Variants in KLRG1 observed in about 807,000 individuals in gnomAD.
KLRG1 encodes killer cell lectin like receptor G1.
A neutral mutation model predicts 21.8 loss-of-function variants in KLRG1; 16 were observed. The ratio of observed to expected loss-of-function variants is 0.73; its 90% CI spans 0.50 to 1.11. The LOEUF (loss-of-function observed/expected upper bound fraction) is 1.11. KLRG1 is among the 50% of genes most tolerant of loss of function. KLRG1 has a pLI of 0.00. For missense variants in KLRG1, 173 were observed against 218.3 expected (o/e 0.79, Z 1.31); for synonymous variants, 69 against 75.9 (o/e 0.91, Z 0.47).
At chr12:8,995,818 A>G (rs1406506345) in intron 3 of KLRG1, among the ~76,000 whole-genome samples, 5 of 151,834 alleles carry the variant, frequency 3.3e-5, no homozygotes, top group East Asian at 3.9e-4. Context: ...AAGTAGCTGG[A>G]ACTACAGGCG....
At chr12:9,200,402 A>G in the KLRG1 span, 128 of 1,611,450 alleles carry the variant, frequency 7.9e-5, no homozygotes, top group Non-Finnish European at 1.1e-4. Context: ...CATCCATGAT[A>G]CTGATTATCT....
chr12:9,069,711 C>A, the KLRG1 span: 1 of 1,561,534 alleles, frequency 6.4e-7, no homozygotes, highest in Non-Finnish European at 8.8e-7. Flanking sequence ...TTATTATCTA[C>A]GTTTTTTTGC....
chr12:9,197,392 A>G, the KLRG1 span, among the ~76,000 whole-genome samples: 1 of 142,244 alleles, frequency 7.0e-6, no homozygotes, highest in Admixed American at 7.6e-5. Context: ...ATATAATATT[A>G]TAATTATTAT....
At chr12:9,201,369 GAGATGTGATT>G in the KLRG1 span, 1 of 1,547,716 alleles carries the variant, frequency 6.5e-7, no homozygotes, top group South Asian at 1.1e-5. Flanking sequence ...AAGGAAAGAA[GAGATGTGATT>G]AGAATTCCAG....
chr12:9,009,289 T>C (rs1458773554), intron 4 of KLRG1, 137 bp from the exon 5 acceptor site: 4 of 1,198,740 alleles, frequency 3.3e-6, no homozygotes, highest in Non-Finnish European at 4.6e-6. Flanking sequence ...ATGAACAATT[T>C]TAATTCTTCT....
chr12:9,134,554 T>C, the KLRG1 span, among the ~76,000 whole-genome samples: 1 of 152,206 alleles, frequency 6.6e-6, no homozygotes, highest in Non-Finnish European at 1.5e-5. Flanking sequence ...TTTATGTCCA[T>C]TGATTACAAA....
chr12:9,201,913 A>G, the KLRG1 span, among the ~76,000 whole-genome samples: 2 of 152,080 alleles, frequency 1.3e-5, no homozygotes, highest in Admixed American at 6.6e-5. Flanking sequence ...TTTCTATACT[A>G]TATGTATCGA....
At chr12:8,977,624 T>C (rs1187552648) in intron 1 of KLRG1, among the ~76,000 whole-genome samples, 2 of 152,112 alleles carry the variant, frequency 1.3e-5, no homozygotes, top group African/African-American at 4.8e-5. Context: ...CATTTTGTTG[T>C]TTTTTGTTTT....
chr12:9,208,308 C>T, the KLRG1 span: 2 of 1,613,700 alleles, frequency 1.2e-6, no homozygotes, highest in Non-Finnish European at 8.5e-7. Flanking sequence ...AGAAGTAGCA[C>T]AAGACATAAA....
chr12:8,987,194 T>A (rs1411303384), upstream of KLRG1: 1 of 152,230 alleles, frequency 6.6e-6, no homozygotes, highest in East Asian at 1.9e-4. Context: ...GGACTGAATG[T>A]TTGTCTCCCC....
chr12:9,191,786 G>C, the KLRG1 span, among the ~76,000 whole-genome samples: 2 of 151,862 alleles, frequency 1.3e-5, no homozygotes, highest in Non-Finnish European at 1.5e-5. Context: ...CTCATGGCCT[G>C]GCACAAGAAA....
the KLRG1 span, among the ~76,000 whole-genome samples, chr12:9,087,900 T>A: frequency 6.6e-6 from 1 of 152,154 alleles, no homozygotes; most frequent in Non-Finnish European, 1.5e-5. Context: ...ATATGTTCAT[T>A]AAGAGGCTCT....
At chr12:8,970,775 A>C (rs773239914) in intron 1 of KLRG1, among the ~76,000 whole-genome samples, 1 of 152,302 alleles carries the variant, frequency 6.6e-6, no homozygotes, top group South Asian at 2.1e-4. Flanking sequence ...TCAAATTGAG[A>C]AAGTTTCCTT....
the KLRG1 span, chr12:9,080,204 TGA>T: frequency 6.9e-7 from 1 of 1,450,386 alleles, no homozygotes; most frequent in Non-Finnish European, 9.5e-7. Flanking sequence ...ATCAGACATA[TGA>T]AAATTATTTC....
the KLRG1 span, chr12:9,116,092 G>A: frequency 4.1e-6 from 2 of 483,506 alleles, no homozygotes; most frequent in Non-Finnish European, 7.7e-6. Context: ...ATCCCTGGAG[G>A]GCTAAAACTA....
the KLRG1 span, among the ~76,000 whole-genome samples, chr12:9,048,951 C>A: frequency 2.6e-5 from 4 of 152,130 alleles, no homozygotes; most frequent in Non-Finnish European, 4.4e-5. Flanking sequence ...AGGAGTTGAA[C>A]CTTTGGGGCA....
At chr12:9,079,714 C>T in the KLRG1 span, 5 of 1,613,556 alleles carry the variant, frequency 3.1e-6, no homozygotes, top group Admixed American at 6.7e-5. Flanking sequence ...TAATCCAGTA[C>T]ATAGATGTTA....
the KLRG1 span, among the ~76,000 whole-genome samples, chr12:9,161,656 A>G: frequency 1.3e-5 from 2 of 152,206 alleles, no homozygotes; most frequent in Non-Finnish European, 2.9e-5. Flanking sequence ...CTATATTTGA[A>G]TGGATTCCCA....
the KLRG1 span, chr12:9,161,202 G>T: frequency 8.7e-7 from 1 of 1,146,522 alleles, no homozygotes; most frequent in Non-Finnish European, 1.2e-6. Flanking sequence ...GAGCTTCAGA[G>T]CCACACTCCC....
Sources: allele counts gnomAD v4.1 joint callset (sites outside exome capture counted in the v4.1 genomes callset), GRCh38; gene constraint gnomAD v4.1.1; transcripts MANE v1.5; gene names NCBI Gene and HGNC (gene_info 2026-07-23, HGNC 2026-07-21).